The following HIRIP3 variants were observed in gnomAD, a reference collection of about 807,000 sequenced individuals.
HIRIP3 encodes the protein HIRA interacting protein 3.
In HIRIP3, 40 loss-of-function variants were observed where a neutral mutation model predicts 50.3. That is an observed-to-expected ratio of 0.79 (90% confidence interval 0.62 to 1.03). HIRIP3 has a LOEUF of 1.03. Among genes scored for constraint, HIRIP3 ranks in the 50% least tolerant of loss-of-function variants. HIRIP3 has a pLI of 0.00. For synonymous variants in HIRIP3, 318 were observed against 261.6 expected (o/e 1.22, Z -2.08); for missense variants, 765 against 705.4 (o/e 1.08, Z -0.96).
In HIRIP3 at chr16:29,993,280, T is replaced by G; in HGVS notation, c.1598A>C (p.Glu533Ala). Reference protein sequence around the residue: ...LYRRTLDSDEERPRPAPPDWS... With the variant: ...LYRRTLDSDEARPRPAPPDWS... ...GTCTGGGGGTGCGGGACGGGGCCGCTCTTCATCTGAGTCCAGGGTCCGTCG... is the reference window on the plus strand; with the variant it reads ...GTCTGGGGGTGCGGGACGGGGCCGCGCTTCATCTGAGTCCAGGGTCCGTCG... Residue 533 changes from glutamate (E) to alanine (A), a missense_variant, in exon 7 of 7, where the codon GAG becomes GCG. Physicochemically the swap from Glu to Ala is moderately radical, Grantham distance 107. Coordinates refer to ENST00000279392, the MANE Select transcript of HIRIP3 (RefSeq NM_003609.5). The G allele has an allele frequency of 6.5e-7, 1 of 1,550,278 alleles. No individual in the cohort carries two copies. Among genetic ancestry groups the G allele is most frequent in the Non-Finnish European group, 8.7e-7 (1 of 1,147,236 alleles).
chr16:29,994,937 T>C, intron 3 of HIRIP3, 94 bp from the exon 4 acceptor site: 1 of 1,499,124 alleles, frequency 6.7e-7, no homozygotes, highest in Non-Finnish European at 9.0e-7. Flanking sequence ...GCCCTGACAG[T>C]TGGAGGGGCA....
Position 29,993,503 on chromosome 16 carries a change from GC to G in HIRIP3, c.1462del (p.Ala488LeufsTer27). On this transcript the variant is annotated frameshift_variant, in exon 6 of 7. Coordinates refer to ENST00000279392, the MANE Select transcript of HIRIP3 (RefSeq NM_003609.5). LOFTEE classifies it high-confidence loss of function. ...CGCAACATCCAAGGAGGCCACCTCA[GC>G]TGCCTCCTCCCTCTGCTCCTTCAGG... ...RALKEQREEA[A>X]EVASLDVANI... is the part of the protein sequence containing the mutation. The G allele has an allele frequency of 6.2e-7, 1 of 1,613,866 alleles. No individual in the cohort carries two copies. The highest frequency in any genetic ancestry group is 8.5e-7 in the Non-Finnish European group (1 of 1,179,826).
rs761437806 is a variant in HIRIP3, at chr16:29,994,706, G to A, written c.439C>T (p.Arg147Trp). 26 of 1,614,058 alleles carry A rather than the reference G, an allele frequency of 1.6e-5. No homozygotes were observed. Among genetic ancestry groups the A allele is most frequent in the Non-Finnish European group, 2.1e-5 (25 of 1,180,012 alleles). ...KAVEESSDEERQRDLPAQRGE... is the reference protein window; with the variant it reads ...KAVEESSDEEWQRDLPAQRGE... The stretch of plus-strand genomic sequence containing the variant: ...CTCTGTGCGGGCAGGTCCCTCTGCC[G>A]TTCCTCATCACTGCTCTCCTCAACT... Residue 147 changes from arginine (R) to tryptophan (W), a missense_variant, in exon 4 of 7, where the codon CGG (arginine) becomes TGG (tryptophan). By Grantham distance (101) the Arg-to-Trp change is moderately radical (BLOSUM62 -3). Coordinates refer to ENST00000279392, the MANE Select transcript of HIRIP3 (RefSeq NM_003609.5).
At position 29,994,020 on chromosome 16, in the gene HIRIP3, C is replaced by T; in HGVS notation, c.1125G>A (p.Gly375=). ...TCTTCCTCTCCCCCTGGGGGCCTCC[C>T]CCTGCCTCGCTGTCACTTACCTCCC... ...LEREVSDSEA[G]GGPQGERKNR... The change falls in exon 4 of 7, where the codon GGG becomes GGA. Residue 375 remains glycine, a synonymous_variant. Coordinates refer to ENST00000279392, the MANE Select transcript of HIRIP3 (RefSeq NM_003609.5). 1 of 1,607,420 alleles carries T rather than the reference C, an allele frequency of 6.2e-7. No homozygotes were observed. Among genetic ancestry groups the T allele is most frequent in the Non-Finnish European group, 8.5e-7 (1 of 1,176,260 alleles).
At position 29,994,336 on chromosome 16, in the gene HIRIP3, GCTGA is replaced by G; in HGVS notation, c.805_808del (p.Ser269LeufsTer60). ...CTGCTTACAGCTCCTCTCCTCCCTA[GCTGA>G]CTTTCTCCGGCCATTGCTCCTGGTT... On this transcript the variant is annotated frameshift_variant, in exon 4 of 7. Transcript: ENST00000279392. LOFTEE classifies it high-confidence loss of function. 6.2e-7 allele frequency: 1 copy of G among 1,614,052 alleles called. No homozygotes were observed.
chr16:29,993,933 A>G lies in HIRIP3; in HGVS notation c.1212T>C (p.Asp404=), dbSNP rs1254379648. 3.2e-6 allele frequency: 5 copies of G among 1,561,296 alleles called. No individual in the cohort carries two copies. The East Asian group carries it at 1.1e-4, about 35-fold the overall frequency. The change falls in exon 4 of 7, where the codon GAT becomes GAC. Residue 404 remains aspartate (D), a synonymous_variant. Coordinates refer to ENST00000279392, the MANE Select transcript of HIRIP3 (RefSeq NM_003609.5). ...GRTRSSSSSS[D]GSPEAKGGKA... ...TCCCTCCTTTGGCCTCTGGACTTCC[A>G]TCTGAGGAGGAAGAGGAGCTTCGTG...
chr16:29,994,064 C>T lies in HIRIP3; in HGVS notation c.1081G>A (p.Glu361Lys), dbSNP rs1271292226. Residue 361 changes from glutamate to lysine, a missense_variant, in exon 4 of 7, where the codon GAG (glutamate) becomes AAG (lysine). Physicochemically the swap from Glu to Lys is moderately conservative, Grantham distance 56 (BLOSUM62 1). Coordinates refer to ENST00000279392, the MANE Select transcript of HIRIP3 (RefSeq NM_003609.5). ...ACCTCCCTCTCCAAGTCACTTTCCT[C>T]ACCACTGGTGCTGCCCAGTCTGGCC... ...KMARLGSTSG[E>K]ESDLEREVSD... The T allele has an allele frequency of 1.2e-6, 2 of 1,612,674 alleles. No individual in the cohort carries two copies. The highest frequency in any genetic ancestry group is 1.1e-5 in the South Asian group (1 of 90,842).
Position 29,994,473 on chromosome 16 carries a change from T to TTCA in HIRIP3, c.669_671dup (p.Ser223_Glu224insAsp). 6.2e-7 allele frequency: 1 copy of TTCA among 1,614,134 alleles called. No individual in the cohort carries two copies. The highest frequency in any genetic ancestry group is 8.5e-7 in the Non-Finnish European group (1 of 1,180,018). On this transcript the variant is annotated inframe_insertion, in exon 4 of 7. Coordinates refer to ENST00000279392, the MANE Select transcript of HIRIP3 (RefSeq NM_003609.5). ...CTAGGATCTCCTCTTCACTCTCCTG[T>TTCA]TCACTTTCCTTCAGGCTTTTAGTTC... is the stretch of plus-strand genomic sequence containing the variant.
Position 29,994,272 on chromosome 16 carries a change from GCTGT to G in HIRIP3, c.869_872del (p.Asp290AlafsTer39). 1 of 1,613,970 alleles carries G rather than the reference GCTGT, an allele frequency of 6.2e-7. No individual in the cohort carries two copies. The highest frequency in any genetic ancestry group is 8.5e-7 in the Non-Finnish European group (1 of 1,179,998). Reference sequence around the variant, plus strand: ...TGGCTGCCTCTTTCTGCTCTTCCTCGCTGTCTGAGTCTCCCAAGAGCCTCTTTGC... The same window carrying G: ...TGGCTGCCTCTTTCTGCTCTTCCTCGCTGAGTCTCCCAAGAGCCTCTTTGC... On this transcript the variant is annotated frameshift_variant, in exon 4 of 7. Coordinates refer to ENST00000279392, the MANE Select transcript of HIRIP3 (RefSeq NM_003609.5). LOFTEE classifies it high-confidence loss of function.
In HIRIP3 at chr16:29,995,602, C is replaced by G. The variant is rs762864243; in HGVS notation, c.4G>C (p.Ala2Pro). The G allele has an allele frequency of 1.9e-6, 3 of 1,612,210 alleles. No individual in the cohort carries two copies. Among genetic ancestry groups the G allele is most frequent in the South Asian group, 2.2e-5 (2 of 90,998 alleles). M[A>P]REKEMQEFTR... ...AACTCCTGCATCTCCTTCTCCCGCGCCATTTTGCTCAACCCGGGATTGACG... is the reference window on the plus strand; with the variant it reads ...AACTCCTGCATCTCCTTCTCCCGCGGCATTTTGCTCAACCCGGGATTGACG... The change falls in exon 1 of 7, where the codon GCG (alanine) becomes CCG (proline). Residue 2 changes from alanine to proline, a missense_variant. Coordinates refer to ENST00000279392, the MANE Select transcript of HIRIP3 (RefSeq NM_003609.5).
intron 6 of HIRIP3, 30 bp downstream of exon 6, chr16:29,993,429 G>A: frequency 1.3e-6 from 2 of 1,598,938 alleles, no homozygotes; most frequent in Non-Finnish European, 1.7e-6. Context: ...CCACCTATCT[G>A]CTCCTGGGCA....
rs2070029368 is a variant in HIRIP3 at position 29,994,112 on chromosome 16, T to C, written c.1033A>G (p.Thr345Ala). Residue 345 changes from threonine (T) to alanine (A), a missense_variant, in exon 4 of 7, where the codon ACA (threonine) becomes GCA (alanine). Coordinates refer to ENST00000279392, the MANE Select transcript of HIRIP3 (RefSeq NM_003609.5). Reference protein sequence around the residue: ...DEEDSGKGEPTAKGSRKMARL... With the variant: ...DEEDSGKGEPAAKGSRKMARL... Reference sequence around the variant, plus strand: ...GCCATCTTTCTAGAGCCTTTAGCTGTGGGTTCCCCCTTCCCACTGTCTTCC... The same window carrying C: ...GCCATCTTTCTAGAGCCTTTAGCTGCGGGTTCCCCCTTCCCACTGTCTTCC... The C allele has an allele frequency of 6.2e-7, 1 of 1,614,048 alleles. No individual in the cohort carries two copies. Among genetic ancestry groups the C allele is most frequent in the Admixed American group, 1.7e-5 (1 of 59,976 alleles).
Position 29,993,226 on chromosome 16 carries a change from C to T in HIRIP3, c.1652G>A (p.Ser551Asn). ...CAGAGCTCAGTTACTCTCGCCATCA[C>T]TGCTGATGATGCCACGCATATGTGA... ...DWSHMRGIISSDGESN is the reference protein window; with the variant it reads ...DWSHMRGIISNDGESN Residue 551 changes from serine to asparagine, a missense_variant, in exon 7 of 7, where the codon AGT becomes AAT. By Grantham distance (46) the Ser-to-Asn change is conservative. Coordinates refer to ENST00000279392, the MANE Select transcript of HIRIP3 (RefSeq NM_003609.5). 6.3e-7 allele frequency: 1 copy of T among 1,592,822 alleles called. No individual in the cohort carries two copies. The highest frequency in any genetic ancestry group is 8.6e-7 in the Non-Finnish European group (1 of 1,169,112).
rs576253465 is a variant in HIRIP3, at chr16:29,994,224, T to G, written c.921A>C (p.Arg307Ser). ...EAASSGDDSG[R>S]DREPPVQRKS... ...TCCTCTGCACTGGGGGTTCTCTATC[T>G]CTCCCACTGTCATCCCCACTGCTGG... The change falls in exon 4 of 7, where the codon AGA becomes AGC. Residue 307 changes from arginine (R) to serine (S), a missense_variant. Transcript: ENST00000279392. The G allele has an allele frequency of 1.9e-5, 30 of 1,613,992 alleles. No homozygotes were observed. In the African/African-American group the frequency reaches 4.0e-4, roughly 22 times the overall value.
chr16:29,996,033 T>C, upstream of HIRIP3: 9 of 582,428 alleles, frequency 1.5e-5, no homozygotes, highest in Non-Finnish European at 2.8e-5. Context: ...TCTAAGTACA[T>C]TAGAGTCAGG....
chr16:29,995,725 C>T (rs957849852), upstream of HIRIP3: 16 of 1,319,990 alleles, frequency 1.2e-5, no homozygotes, highest in South Asian at 2.0e-4. Flanking sequence ...GACCGTTGGC[C>T]CTTGGCCGCG....
At chr16:29,995,637 T>A, upstream of HIRIP3, 1 of 1,607,910 alleles carries the variant, frequency 6.2e-7, no homozygotes, top group Non-Finnish European at 8.5e-7. Flanking sequence ...GGCTCCCGCC[T>A]TTTTTTCTTC....
Position 29,995,616 on chromosome 16 carries a change from C to A in HIRIP3, c.-11G>T. 1 of 1,612,000 alleles carries A rather than the reference C, an allele frequency of 6.2e-7. No individual in the cohort carries two copies. Among genetic ancestry groups the A allele is most frequent in the South Asian group, 1.1e-5 (1 of 90,964 alleles). On this transcript the variant is annotated 5_prime_UTR_variant, in exon 1 of 7. Transcript: ENST00000279392. ...CTTCTCCCGCGCCATTTTGCTCAAC[C>A]CGGGATTGACGGCTCCCGCCTTTTT...
At chr16:29,995,809 C>G, upstream of HIRIP3, 1 of 634,728 alleles carries the variant, frequency 1.6e-6, no homozygotes, top group Non-Finnish European at 2.7e-6. Context: ...GCGGCTCCTA[C>G]CCTTTTTTGG....
Sources: gnomAD v4.1 joint callset for allele counts on GRCh38, gnomAD v4.1.1 for gene constraint, MANE v1.5 for transcripts, NCBI Gene and HGNC (gene_info 2026-07-23, HGNC 2026-07-21) for gene names.